The following MMP24 variants were observed in gnomAD, a reference collection of about 807,000 sequenced individuals.
MMP24 encodes matrix metalloproteinase-24.
In MMP24, 25 loss-of-function variants were observed where a neutral mutation model predicts 62.8. That is an observed-to-expected ratio of 0.40 (90% CI 0.29 to 0.56). MMP24 has a LOEUF of 0.56. MMP24 is among the 20% of genes least tolerant of loss of function. The pLI, the probability that MMP24 is intolerant of heterozygous loss-of-function variation, is 0.50. For synonymous variants in MMP24, 319 were observed against 350.5 expected, an observed-to-expected ratio of 0.91 and a Z score of 1.00; for missense variants, 634 against 853.6, an observed-to-expected ratio of 0.74 and a Z score of 3.21.
At position 35,269,993 on chromosome 20, in the gene MMP24, T is replaced by A; in HGVS notation, c.1333+95T>A. ...TGGAAGAGGCGGGGTGGGAGGCAGA[T>A]GTCCTCAGAGGGCCCCTCTAGTCTA... On this transcript the variant is annotated intron_variant, in intron 7 of 8. Coordinates refer to ENST00000246186, the MANE Select transcript of MMP24 (RefSeq NM_006690.4). This position sits in a 1 kb window ranked among gnomAD's most constrained non-coding sequence, Gnocchi z 4.6. 1 of 1,471,112 alleles carries A rather than the reference T, an allele frequency of 6.8e-7. No individual in the cohort carries two copies. Among genetic ancestry groups the A allele is most frequent in the Non-Finnish European group, 9.2e-7 (1 of 1,091,020 alleles). The allele number at this position is 1,471,112 out of a possible 1,614,324, so 91.1% of individuals were successfully genotyped here.
chr20:35,254,906 T>C (rs1342877387), intron 4 of MMP24, among the ~76,000 whole-genome samples, 152 bp downstream of exon 4: 1 of 152,186 alleles, frequency 6.6e-6, no homozygotes, highest in Non-Finnish European at 1.5e-5. Context: ...TCTGATAATA[T>C]TCAACGTTCA....
At chr20:35,261,262 C>G (rs768189002) in intron 4 of MMP24, among the ~76,000 whole-genome samples, 2 of 152,174 alleles carry the variant, frequency 1.3e-5, no homozygotes, top group Admixed American at 6.5e-5. Context: ...TGGTTGCTGG[C>G]GCTCCACTGG....
intron 3 of MMP24, among the ~76,000 whole-genome samples, chr20:35,253,013 AGGTGGGGCTGGGGC>A (rs2060555384): frequency 4.9e-4 from 11 of 22,536 alleles, no homozygotes; most frequent in Middle Eastern, 0.036. Flanking sequence ...GGGCAGGCTC[AGGTGGGGCTGGGGC>A]AAGGGCCAGG....
chr20:35,263,685 G>T (rs1600799568), intron 4 of MMP24, 106 bp from the exon 5 acceptor site: 1 of 968,048 alleles, frequency 1.0e-6, no homozygotes, highest in African/African-American at 1.7e-5. Context: ...TCCAGCACGG[G>T]GCCTGGCACA....
intron 2 of MMP24, 82 bp downstream of exon 2, chr20:35,247,070 C>T: frequency 6.8e-7 from 1 of 1,464,206 alleles, no homozygotes; most frequent in South Asian, 1.2e-5. Context: ...TGTGTACACC[C>T]CATGCCCATC....
intron 1 of MMP24, among the ~76,000 whole-genome samples, chr20:35,229,324 T>C (rs1333454271): frequency 6.6e-6 from 1 of 152,310 alleles, no homozygotes; most frequent in African/African-American, 2.4e-5. Context: ...GGATCACTTA[T>C]AAAAAATTTA....
chr20:35,234,572 G>A (rs1359596516), intron 1 of MMP24, among the ~76,000 whole-genome samples: 1 of 152,154 alleles, frequency 6.6e-6, no homozygotes, highest in East Asian at 1.9e-4. Flanking sequence ...TTGAAGTAGC[G>A]CACCATGGGG....
At chr20:35,256,709 C>T (rs1041235590) in intron 4 of MMP24, among the ~76,000 whole-genome samples, 70 of 120,856 alleles carry the variant, frequency 5.8e-4, no homozygotes, top group Admixed American at 9.4e-4. Flanking sequence ...ACAGAGATTC[C>T]GTCTCAAAAA....
At chr20:35,246,290 TAAAA>T (rs71299212) in intron 1 of MMP24, among the ~76,000 whole-genome samples, 1 of 131,194 alleles carries the variant, frequency 7.6e-6, no homozygotes, top group African/African-American at 2.7e-5. Flanking sequence ...CTGTCTCTAC[TAAAA>T]AAAAAAAAAA....
At position 35,267,218 on chromosome 20, in the gene MMP24, G is replaced by A. The variant is rs1243866602; in HGVS notation, c.993G>A (p.Glu331=). ...TCCTCTCTCCAGGACCCCCAGCCGA[G>A]CCTCTGGAGCCCACAAGGCCACTCC... ...GIQKIYGPPA[E]PLEPTRPLPT... The change falls in exon 6 of 9, where the codon GAG becomes GAA. Residue 331 remains glutamate (E), a synonymous_variant. Coordinates refer to ENST00000246186, the MANE Select transcript of MMP24 (RefSeq NM_006690.4). 1.3e-6 allele frequency: 2 copies of A among 1,596,826 alleles called. No homozygotes were observed. The highest frequency in any genetic ancestry group is 2.3e-5 in the South Asian group (2 of 88,006).
chr20:35,274,399 G>A lies in MMP24; in HGVS notation c.1728G>A (p.Arg576=), dbSNP rs1568624037. 1.9e-6 allele frequency: 3 copies of A among 1,613,934 alleles called. No individual in the cohort carries two copies. Among genetic ancestry groups the A allele is most frequent in the Non-Finnish European group, 1.7e-6 (2 of 1,179,820 alleles). The stretch of plus-strand genomic sequence containing the variant: ...GCTGCAACCAGAAGGAGGTGGAGCG[G>A]CGGAAGGAGCGGCGGCTGCCCCAGG... ...WMGCNQKEVE[R]RKERRLPQDD... is the part of the protein sequence containing the mutation. Residue 576 remains arginine, a synonymous_variant, in exon 9 of 9, where the codon CGG becomes CGA. Transcript: ENST00000246186. This position sits in a 1 kb window ranked among gnomAD's most constrained non-coding sequence, Gnocchi z 5.1.
Position 35,263,894 on chromosome 20 carries a change from G to A in MMP24, c.921G>A (p.Met307Ile). 2 of 1,613,000 alleles carry A rather than the reference G, an allele frequency of 1.2e-6. No homozygotes were observed. Among genetic ancestry groups the A allele is most frequent in the Non-Finnish European group, 1.7e-6 (2 of 1,179,502 alleles). ...TCATGGCGCCCTTCTACCAGTACATGGAGACGCACAACTTCAAGCTGCCCC... is the reference window on the plus strand; with the variant it reads ...TCATGGCGCCCTTCTACCAGTACATAGAGACGCACAACTTCAAGCTGCCCC... Reference protein sequence around the residue: ...SAIMAPFYQYMETHNFKLPQD... With the variant: ...SAIMAPFYQYIETHNFKLPQD... The change falls in exon 5 of 9, where the codon ATG becomes ATA. Residue 307 changes from methionine (M) to isoleucine (I), a missense_variant. By Grantham distance (10) the Met-to-Ile change is conservative. This residue lies in a region of MMP24 where 399 missense variants were observed against 530.8 expected (regional missense o/e 0.75). Transcript: ENST00000246186.
rs2060414548 is a variant in MMP24, at chr20:35,226,771, GGGGC to G, written c.34_37del (p.Gly12ArgfsTer73). ...GGAGCCGGGGCGGCCGCGCCGCGCC[GGGGC>G]CGCCGCCGCCGCCGCCGCCGCCGGG... On this transcript the variant is annotated frameshift_variant, in exon 1 of 9. Coordinates refer to ENST00000246186, the MANE Select transcript of MMP24 (RefSeq NM_006690.4). LOFTEE classifies it high-confidence loss of function. 1 of 884,316 alleles carries G rather than the reference GGGGC, an allele frequency of 1.1e-6. No individual in the cohort carries two copies. Among genetic ancestry groups the G allele is most frequent in the Non-Finnish European group, 1.3e-6 (1 of 752,128 alleles). 54.8% of individuals were successfully genotyped at this position (884,316 alleles called of 1,614,324 possible).
intron 3 of MMP24, among the ~76,000 whole-genome samples, chr20:35,254,186 A>G (rs749739111): frequency 7.9e-5 from 12 of 152,098 alleles, no homozygotes; most frequent in African/African-American, 2.4e-4. Flanking sequence ...ACTTTTCTCA[A>G]CAAACTAGAG....
At chr20:35,234,400 G>A (rs2060452633) in intron 1 of MMP24, among the ~76,000 whole-genome samples, 2 of 152,200 alleles carry the variant, frequency 1.3e-5, no homozygotes, top group African/African-American at 4.8e-5. Context: ...CTTCCATGAG[G>A]ATGAGTTCAA....
intron 1 of MMP24, chr20:35,236,166 G>C (rs555377653): frequency 2.6e-4 from 40 of 152,282 alleles, no homozygotes; most frequent in Admixed American, 2.4e-3. Flanking sequence ...CATTGTGGGC[G>C]ATCCTGAGGG....
Position 35,254,536 on chromosome 20 carries a change from C to G in MMP24, c.599C>G (p.Pro200Arg). Reference sequence around the variant, plus strand: ...TTCGATGTGTGGCAGAAGGTGACCCCACTGACCTTTGAAGAGGTGCCATAC... The same window carrying G: ...TTCGATGTGTGGCAGAAGGTGACCCGACTGACCTTTGAAGAGGTGCCATAC... The part of the protein sequence containing the change: ...QAFDVWQKVT[P>R]LTFEEVPYHE... The change falls in exon 4 of 9, where the codon CCA becomes CGA. Residue 200 changes from proline (P) to arginine (R), a missense_variant. Pro to Arg is a moderately radical substitution (Grantham distance 103). Transcript: ENST00000246186. The G allele has an allele frequency of 6.2e-7, 1 of 1,614,020 alleles. No individual in the cohort carries two copies. Among genetic ancestry groups the G allele is most frequent in the Non-Finnish European group, 8.5e-7 (1 of 1,179,890 alleles).
chr20:35,230,515 A>C (rs985422449), intron 1 of MMP24, among the ~76,000 whole-genome samples: 6 of 152,208 alleles, frequency 3.9e-5, no homozygotes, highest in Non-Finnish European at 7.3e-5. Context: ...TGGGGCTCCA[A>C]GCCCCCTTCT....
rs760057384 is a variant in MMP24, at chr20:35,274,483, C to G, written c.1812C>G (p.Ala604=). Reference sequence around the variant, plus strand: ...TGCCGGGCTCCGTGAACGCCGTGGCCGTGGTCATCCCCTGCATCCTGTCCC... The same window carrying G: ...TGCCGGGCTCCGTGAACGCCGTGGCGGTGGTCATCCCCTGCATCCTGTCCC... ...NDVPGSVNAV[A]VVIPCILSLC... The change falls in exon 9 of 9, where the codon GCC becomes GCG. Residue 604 remains alanine (A), a synonymous_variant. Transcript: ENST00000246186. This position sits in a 1 kb window ranked among gnomAD's most constrained non-coding sequence, Gnocchi z 5.1. 6.2e-7 allele frequency: 1 copy of G among 1,613,914 alleles called. No individual in the cohort carries two copies. Among genetic ancestry groups the G allele is most frequent in the Non-Finnish European group, 8.5e-7 (1 of 1,179,892 alleles).
Sources: gnomAD v4.1 joint callset for allele counts (sites outside exome capture counted in the v4.1 genomes callset) on GRCh38, gnomAD v4.1.1 for gene constraint, gnomAD v4.1.1 regional missense constraint, Gnocchi (gnomAD v3.1) non-coding constraint, MANE v1.5 for transcripts, NCBI Gene and HGNC (gene_info 2026-07-23, HGNC 2026-07-21) for gene names.